Variants in NPAS1 observed in about 807,000 individuals in gnomAD.
NPAS1 encodes the protein neuronal PAS domain-containing protein 1.
NPAS1 carries 29 observed loss-of-function variants against 49.2 expected under a neutral mutation model. The ratio of observed to expected loss-of-function variants is 0.59; its 90% CI spans 0.44 to 0.80. The LOEUF is 0.80. Ranked by LOEUF, NPAS1 falls within the 30% of genes least tolerant of loss-of-function variation. The pLI, the probability that NPAS1 is intolerant of heterozygous loss-of-function variation, is 0.00. For synonymous variants in NPAS1, 408 were observed against 380.4 expected (o/e 1.07, Z -0.84); for missense variants, 825 against 835.5 (o/e 0.99, Z 0.15).
At chr19:47,044,470 G>A (rs754230746) in intron 11 of NPAS1, among the ~76,000 whole-genome samples, 67 of 152,222 alleles carry the variant, frequency 4.4e-4, no homozygotes, top group African/African-American at 1.5e-3. Context: ...TGGCTGCTTC[G>A]TGGGACAGTG....
At chr19:47,040,303 G>T in intron 8 of NPAS1, 141 bp from the exon 9 acceptor site, 1 of 608,298 alleles carries the variant, frequency 1.6e-6, no homozygotes, top group East Asian at 2.9e-5. Context: ...GATTACAGGT[G>T]TGAGCCACCG....
At chr19:47,036,937 G>T (rs952912202) in intron 6 of NPAS1, among the ~76,000 whole-genome samples, 19 of 151,740 alleles carry the variant, frequency 1.3e-4, no homozygotes, top group African/African-American at 4.6e-4. Flanking sequence ...GATGACACAT[G>T]CCAGTGGTCC....
Position 47,045,694 on chromosome 19 carries a change from G to A in NPAS1, c.*43G>A. ...GGCGCCGGACCCTGCGACAACCGGG[G>A]TCCCCCAGGACAGTAGGCCCGGCTC... On this transcript the variant is annotated 3_prime_UTR_variant, in exon 12 of 12. Transcript: ENST00000602212. 7.3e-7 allele frequency: 1 copy of A among 1,373,554 alleles called. No individual in the cohort carries two copies. Among genetic ancestry groups the A allele is most frequent in the Non-Finnish European group, 9.4e-7 (1 of 1,062,074 alleles). 85.1% of individuals were successfully genotyped at this position (1,373,554 alleles called of 1,614,324 possible). A position where few individuals can be genotyped will look rare whatever the true frequency, so the allele number is the denominator to read the frequency against.
chr19:47,031,184 T>C (rs2056902726), intron 3 of NPAS1, among the ~76,000 whole-genome samples: 1 of 86,456 alleles, frequency 1.2e-5, no homozygotes, highest in South Asian at 3.3e-4. Context: ...AGTTTCTTTG[T>C]GTGTGTGTGT....
rs771335369 is a variant in NPAS1, at chr19:47,032,365, C to CT, written c.432+16dup. 16 of 1,613,296 alleles carry CT rather than the reference C, an allele frequency of 9.9e-6. No individual in the cohort carries two copies. Among genetic ancestry groups the CT allele is most frequent in the Non-Finnish European group, 1.3e-5 (15 of 1,179,548 alleles). The stretch of plus-strand genomic sequence containing the variant: ...CACATCTTGCAGGTGAGTGAGGCCC[C>CT]TTCCCTGCCTGCCGCTCCTTGCTAC... On this transcript the variant is annotated intron_variant, in intron 4 of 11. Coordinates refer to ENST00000602212, the MANE Select transcript of NPAS1 (RefSeq NM_002517.4).
chr19:47,039,145 G>A lies in NPAS1; in HGVS notation c.798G>A (p.Gly266=). The part of the protein sequence containing the change: ...TKRGLHVKAS[G]YKVIHVTGRL... ...GGGGGCTGCACGTCAAGGCCTCAGG[G>A]TACAAGGTGGGTGTGAGCAGTCAGG... Residue 266 remains glycine (G), a synonymous_variant, in exon 7 of 12, where the codon GGG becomes GGA. Coordinates refer to ENST00000602212, the MANE Select transcript of NPAS1 (RefSeq NM_002517.4). 1 of 1,607,150 alleles carries A rather than the reference G, an allele frequency of 6.2e-7. No homozygotes were observed. The highest frequency in any genetic ancestry group is 8.5e-7 in the Non-Finnish European group (1 of 1,176,342).
chr19:47,041,126 G>A lies in NPAS1; in HGVS notation c.1217+1G>A. 1.3e-6 allele frequency: 2 copies of A among 1,577,356 alleles called. No individual in the cohort carries two copies. The highest frequency in any genetic ancestry group is 8.6e-7 in the Non-Finnish European group (1 of 1,168,018). ...TGCTTTGGGTCAGCCACGTGCTCAG[G>A]TGAGGGCTGTGCCCACCCCTCCTGC... is the stretch of plus-strand genomic sequence containing the variant. On this transcript the variant is annotated splice_donor_variant, in intron 10 of 11. Coordinates refer to ENST00000602212, the MANE Select transcript of NPAS1 (RefSeq NM_002517.4). LOFTEE classifies it high-confidence loss of function.
intron 11 of NPAS1, among the ~76,000 whole-genome samples, chr19:47,043,269 ACT>A (rs1295485311): frequency 1.5e-5 from 1 of 64,814 alleles, no homozygotes; most frequent in Non-Finnish European, 3.2e-5. Context: ...ACAGAGCGAG[ACT>A]CTGTCTCAAA....
At chr19:47,038,154 C>T (rs1275939811) in intron 6 of NPAS1, among the ~76,000 whole-genome samples, 3 of 152,190 alleles carry the variant, frequency 2.0e-5, no homozygotes, top group African/African-American at 7.2e-5. Flanking sequence ...GGTGGGCTTT[C>T]CTCTCAAGGC....
rs983528845 is a variant in NPAS1 at position 47,039,271 on chromosome 19, G to A, written c.804+120G>A. ...AGGTGGCTTAGGGAACTGGGTCTGGGAATGGGACTGGGGGGGTCACACAGT... is the reference window on the plus strand; with the variant it reads ...AGGTGGCTTAGGGAACTGGGTCTGGAAATGGGACTGGGGGGGTCACACAGT... On this transcript the variant is annotated intron_variant, in intron 7 of 11. Transcript: ENST00000602212. 1.2e-5 allele frequency: 17 copies of A among 1,467,368 alleles called. No homozygotes were observed. The Middle Eastern group carries it at 9.9e-4, about 85-fold the overall frequency. 90.9% of individuals were successfully genotyped at this position (1,467,368 alleles called of 1,614,324 possible).
At chr19:47,027,251 G>A (rs1599896604) in intron 3 of NPAS1, among the ~76,000 whole-genome samples, 1 of 152,170 alleles carries the variant, frequency 6.6e-6, no homozygotes, top group East Asian at 1.9e-4. Flanking sequence ...TTCCTTCAGG[G>A]CAGTTGAGAA....
At chr19:47,039,596 TGGG>T (rs781484589) in intron 8 of NPAS1, 32 bp downstream of exon 8, 2 of 1,531,738 alleles carry the variant, frequency 1.3e-6, no homozygotes, top group South Asian at 2.5e-5. Context: ...GCGGGTGGAT[TGGG>T]GGCACAATGG....
In NPAS1 at chr19:47,023,450, G is replaced by C. The variant is rs192582566; in HGVS notation, c.358+1603G>C. The stretch of plus-strand genomic sequence containing the variant: ...AGTGGAAGTAGGGTCAGGACAGTGT[G>C]GGGGGGCTTGGTACTGCGTGGACTC... On this transcript the variant is annotated intron_variant, in intron 3 of 11. Coordinates refer to ENST00000602212, the MANE Select transcript of NPAS1 (RefSeq NM_002517.4). Among the ~76,000 whole-genome samples the C allele has an allele frequency of 7.9e-5, 12 of 152,132 alleles. No homozygotes were observed. In the South Asian group the frequency reaches 1.9e-3, roughly 24 times the overall value.
chr19:47,032,605 G>C (rs760299191), intron 4 of NPAS1, 38 bp from the exon 5 acceptor site: 1 of 1,570,300 alleles, frequency 6.4e-7, no homozygotes, highest in Non-Finnish European at 8.8e-7. Flanking sequence ...GGGACACCGG[G>C]TCCTCTCCTT....
intron 10 of NPAS1, among the ~76,000 whole-genome samples, chr19:47,041,649 G>A (rs2057022463): frequency 1.3e-5 from 2 of 152,122 alleles, no homozygotes; most frequent in African/African-American, 4.8e-5. Context: ...CTTTAGAGCT[G>A]GAGAGGATCA....
At chr19:47,034,876 CAAAAA>C (rs2122500346) in intron 5 of NPAS1, among the ~76,000 whole-genome samples, 1 of 140,554 alleles carries the variant, frequency 7.1e-6, no homozygotes, top group Admixed American at 7.2e-5. Flanking sequence ...AACCCCATCT[CAAAAA>C]CAAAACAAAA....
At chr19:47,032,174 C>T (rs2056910010) in intron 3 of NPAS1, 104 bp from the exon 4 acceptor site, 1 of 1,057,088 alleles carries the variant, frequency 9.5e-7, no homozygotes, top group Non-Finnish European at 1.4e-6. Context: ...AAGATGTCTA[C>T]AAGCCTTAGG....
intron 4 of NPAS1, 98 bp from the exon 5 acceptor site, chr19:47,032,545 A>T: frequency 8.2e-7 from 1 of 1,218,242 alleles, no homozygotes; most frequent in Non-Finnish European, 1.2e-6. Context: ...AGTCCACCTC[A>T]GGTGGAGACC....
At chr19:47,041,426 G>A (rs968974464) in intron 10 of NPAS1, among the ~76,000 whole-genome samples, 1 of 152,088 alleles carries the variant, frequency 6.6e-6, no homozygotes, top group African/African-American at 2.4e-5. Context: ...TGGGGCACTG[G>A]CGAGCCACGG....
Sources: gnomAD v4.1 joint callset for allele counts (sites outside exome capture counted in the v4.1 genomes callset) on GRCh38, gnomAD v4.1.1 for gene constraint, MANE v1.5 for transcripts, NCBI Gene and HGNC (gene_info 2026-07-23, HGNC 2026-07-21) for gene names.